The following PCARE variants were observed in gnomAD, a reference collection of about 807,000 sequenced individuals.
PCARE encodes the protein uncharacterized protein C2orf71.
In PCARE, 72 loss-of-function variants were observed where a neutral mutation model predicts 82.2. That is an observed-to-expected ratio of 0.88 (90% CI 0.72 to 1.07). The LOEUF (loss-of-function observed/expected upper bound fraction) is 1.07. Ranked by LOEUF, PCARE falls within the 50% of genes least tolerant of loss-of-function variation. The pLI, the probability that PCARE is intolerant of heterozygous loss-of-function variation, is 0.00. For synonymous variants in PCARE, 705 were observed against 634.8 expected (o/e 1.11, Z -1.66); for missense variants, 1,768 against 1,592.4 (o/e 1.11, Z -1.88).
intron 1 of PCARE, 132 bp from the exon 2 acceptor site, chr2:29,065,199 C>T: frequency 1.8e-6 from 2 of 1,091,140 alleles, no homozygotes; most frequent in East Asian, 2.6e-5. Flanking sequence ...CCCTGGGTGC[C>T]AGGCCTCTGC....
rs948652951 is a variant in PCARE at position 29,063,020 on chromosome 2, C to T, written c.*1849G>A. ...CTCAAAGGCCGCTCACACTGTGTGT[C>T]TCCTGCTCACTCAGCTCAGTGCCCA... On this transcript the variant is annotated 3_prime_UTR_variant, in exon 2 of 2. Coordinates refer to ENST00000331664, the MANE Select transcript of PCARE (RefSeq NM_001029883.3). 6.6e-6 allele frequency: 1 copy of T among 152,310 alleles called. No homozygotes were observed. Among genetic ancestry groups the T allele is most frequent in the Non-Finnish European group, 1.5e-5 (1 of 68,074 alleles). 9.4% of individuals were successfully genotyped at this position (152,310 alleles called of 1,614,324 possible). A position where few individuals can be genotyped will look rare whatever the true frequency, so the allele number is the denominator to read the frequency against.
rs1389832883 is a variant in PCARE at position 29,073,256 on chromosome 2, C to T, written c.1006G>A (p.Gly336Ser). The change falls in exon 1 of 2, where the codon GGC becomes AGC. Residue 336 changes from glycine to serine, a missense_variant. By Grantham distance (56) the Gly-to-Ser change is moderately conservative (BLOSUM62 0). Transcript: ENST00000331664. ...RQLESLASGCGDPGVQGLPLC... is the reference protein window; with the variant it reads ...RQLESLASGCSDPGVQGLPLC... ...GGGAGACCCTGCACCCCAGGGTCGC[C>T]ACAGCCACTCGCCAGGCTCTCTAGC... 1 of 1,614,014 alleles carries T rather than the reference C, an allele frequency of 6.2e-7. No homozygotes were observed. Among genetic ancestry groups the T allele is most frequent in the Admixed American group, 1.7e-5 (1 of 60,020 alleles).
chr2:29,072,098 C>A lies in PCARE; in HGVS notation c.2164G>T (p.Val722Phe). 1 of 1,614,258 alleles carries A rather than the reference C, an allele frequency of 6.2e-7. No homozygotes were observed. Among genetic ancestry groups the A allele is most frequent in the Non-Finnish European group, 8.5e-7 (1 of 1,180,054 alleles). ...SEAAKATDWN[V>F]RGCPTRTSVK... ...GATGTTCTGGTGGGACAGCCTCTGACATTCCAGTCTGTGGCCTTGGCAGCC... is the reference window on the plus strand; with the variant it reads ...GATGTTCTGGTGGGACAGCCTCTGAAATTCCAGTCTGTGGCCTTGGCAGCC... The change falls in exon 1 of 2, where the codon GTC becomes TTC. Residue 722 changes from valine to phenylalanine, a missense_variant. Coordinates refer to ENST00000331664, the MANE Select transcript of PCARE (RefSeq NM_001029883.3).
intron 1 of PCARE, among the ~76,000 whole-genome samples, chr2:29,069,597 G>C (rs1462824139): frequency 6.6e-6 from 1 of 152,020 alleles, no homozygotes; most frequent in Non-Finnish European, 1.5e-5. Context: ...ATTAGTACCT[G>C]GGTGATGAAA....
intron 1 of PCARE, among the ~76,000 whole-genome samples, chr2:29,069,016 C>A (rs1355374697): frequency 6.6e-6 from 1 of 152,194 alleles, no homozygotes; most frequent in Non-Finnish European, 1.5e-5. Context: ...ACTAAGATGT[C>A]ACTTCTCTTT....
rs1572829341 is a variant in PCARE at position 29,073,327 on chromosome 2, C to T, written c.935G>A (p.Ser312Asn). 6.2e-7 allele frequency: 1 copy of T among 1,614,148 alleles called. No homozygotes were observed. Among genetic ancestry groups the T allele is most frequent in the East Asian group, 2.2e-5 (1 of 44,890 alleles). Residue 312 changes from serine (S) to asparagine (N), a missense_variant, in exon 1 of 2, where the codon AGC (serine) becomes AAC (asparagine). Transcript: ENST00000331664. ...GCGTTCATCCACATTCCTTTTTGTG[C>T]TCAGCTTATTTTCCAAGTGGGTTGC... ...STATHLENKL[S>N]TKRNVDERLL...
Position 29,071,406 on chromosome 2 carries a change from C to T in PCARE, c.2856G>A (p.Arg952=). 6.2e-7 allele frequency: 1 copy of T among 1,613,716 alleles called. No homozygotes were observed. The highest frequency in any genetic ancestry group is 8.5e-7 in the Non-Finnish European group (1 of 1,179,964). The part of the protein sequence containing the change: ...SQAEKATSLY[R]QPRKAIAWHH... ...GCCAGGCGATGGCCTTCCGGGGCTGCCTGTAGAGGCTGGTGGCCTTCTCTG... is the reference window on the plus strand; with the variant it reads ...GCCAGGCGATGGCCTTCCGGGGCTGTCTGTAGAGGCTGGTGGCCTTCTCTG... Residue 952 remains arginine (R), a synonymous_variant, in exon 1 of 2, where the codon AGG becomes AGA. Transcript: ENST00000331664.
rs183619250 is a variant in PCARE at position 29,065,290 on chromosome 2, G to T, written c.3669-223C>A. ...GGGCGCTGTGGGAGCTGGGGTGACT[G>T]GCTGAGTCCTGTTCTTTCCCCTGAA... On this transcript the variant is annotated intron_variant, in intron 1 of 1. Transcript: ENST00000331664. Among the ~76,000 whole-genome samples, 266 of 152,350 alleles carry T rather than the reference G, an allele frequency of 1.7e-3. 1 individual carries two copies. Among genetic ancestry groups the T allele is most frequent in the Non-Finnish European group, 2.5e-3 (173 of 68,042 alleles).
At position 29,074,256 on chromosome 2, in the gene PCARE, C is replaced by A. The variant is rs2148417220; in HGVS notation, c.6G>T (p.Gly2=). 1 of 1,528,698 alleles carries A rather than the reference C, an allele frequency of 6.5e-7. No homozygotes were observed. The allele number at this position is 1,528,698 out of a possible 1,614,324, so 94.7% of individuals were successfully genotyped here. A position where few individuals can be genotyped will look rare whatever the true frequency, so the allele number is the denominator to read the frequency against. The change falls in exon 1 of 2, where the codon GGG becomes GGT. Residue 2 remains glycine (G), a synonymous_variant. Coordinates refer to ENST00000331664, the MANE Select transcript of PCARE (RefSeq NM_001029883.3). ...CAAGGTCACTGTGTGAAGGTGTACA[C>A]CCCATGATTTCAGCTTGTAGTCATC... M[G]CTPSHSDLVN...
At position 29,074,499 on chromosome 2, in the gene PCARE, T is replaced by C. The variant is rs942838586; in HGVS notation, c.-238A>G. On this transcript the variant is annotated 5_prime_UTR_variant, in exon 1 of 2. Transcript: ENST00000331664. ...TTGTTCTAAGTTTGGAACCCTCTGC[T>C]GTTAGTGAGCAGCGGGACAATTCTG... 6.6e-6 allele frequency among the ~76,000 whole-genome samples: 1 copy of C among 152,208 alleles called. No individual in the cohort carries two copies. The highest frequency in any genetic ancestry group is 1.5e-5 in the Non-Finnish European group (1 of 68,032).
At position 29,073,511 on chromosome 2, in the gene PCARE, G is replaced by T; in HGVS notation, c.751C>A (p.Leu251Met). ...EVLLQEVRED[L>M]AWPLKKREPQ... ...TCTCTTTTCTTCAAAGGCCAAGCCA[G>T]ATCCTCCCTGACTTCCTGCAGGAGC... Residue 251 changes from leucine (L) to methionine (M), a missense_variant, in exon 1 of 2, where the codon CTG (leucine) becomes ATG (methionine). Leu to Met is a conservative substitution (Grantham distance 15, BLOSUM62 2). Coordinates refer to ENST00000331664, the MANE Select transcript of PCARE (RefSeq NM_001029883.3). 6.2e-7 allele frequency: 1 copy of T among 1,614,202 alleles called. No homozygotes were observed. The highest frequency in any genetic ancestry group is 8.5e-7 in the Non-Finnish European group (1 of 1,180,028).
rs769809028 is a variant in PCARE at position 29,071,901 on chromosome 2, T to C, written c.2361A>G (p.Ser787=). 2 of 1,614,232 alleles carry C rather than the reference T, an allele frequency of 1.2e-6. No individual in the cohort carries two copies. The highest frequency in any genetic ancestry group is 4.5e-5 in the East Asian group (2 of 44,886). ...LYPKPQISPA[S]GRESLKMGIG... ...TGCCCATTTTGAGAGATTCTCTGCCTGATGCTGGAGAAATTTGGGGCTTCG... is the reference window on the plus strand; with the variant it reads ...TGCCCATTTTGAGAGATTCTCTGCCCGATGCTGGAGAAATTTGGGGCTTCG... The change falls in exon 1 of 2, where the codon TCA becomes TCG. Residue 787 remains serine, a synonymous_variant. Transcript: ENST00000331664.
At position 29,072,773 on chromosome 2, in the gene PCARE, T is replaced by C; in HGVS notation, c.1489A>G (p.Met497Val). 1.2e-6 allele frequency: 2 copies of C among 1,613,992 alleles called. No individual in the cohort carries two copies. The highest frequency in any genetic ancestry group is 1.7e-6 in the Non-Finnish European group (2 of 1,179,982). ...SSPEEEEEDK[M>V]SSMSLCAWQE... ...CAGGCACACAGACTCATGCTGCTCA[T>C]TTTGTCTTCCTCCTCCTCCTCTGGG... Residue 497 changes from methionine (M) to valine (V), a missense_variant, in exon 1 of 2, where the codon ATG (methionine) becomes GTG (valine). Met to Val is a conservative substitution (Grantham distance 21). Transcript: ENST00000331664.
At position 29,074,324 on chromosome 2, in the gene PCARE, A is replaced by T. The variant is rs1667551112; in HGVS notation, c.-63T>A. On this transcript the variant is annotated 5_prime_UTR_variant, in exon 1 of 2. Coordinates refer to ENST00000331664, the MANE Select transcript of PCARE (RefSeq NM_001029883.3). Reference sequence around the variant, plus strand: ...ATTTTCCAAGAATCATATTTGAAATAGGAACAAAAGGCAATCTTACTAGTC... The same window carrying T: ...ATTTTCCAAGAATCATATTTGAAATTGGAACAAAAGGCAATCTTACTAGTC... The T allele has an allele frequency of 6.7e-7, 1 of 1,496,578 alleles. No individual in the cohort carries two copies. Among genetic ancestry groups the T allele is most frequent in the Middle Eastern group, 1.9e-4 (1 of 5,350 alleles). The allele number at this position is 1,496,578 out of a possible 1,614,324, so 92.7% of individuals were successfully genotyped here.
chr2:29,073,976 T>C lies in PCARE; in HGVS notation c.286A>G (p.Thr96Ala). Reference sequence around the variant, plus strand: ...TTCAGCTGGGATGAAGAGGTTTTGGTTCCTGGGATCAGTCCTTCCATATCT... The same window carrying C: ...TTCAGCTGGGATGAAGAGGTTTTGGCTCCTGGGATCAGTCCTTCCATATCT... ...RKDMEGLIPGTKTSSSQLNKS... is the reference protein window; with the variant it reads ...RKDMEGLIPGAKTSSSQLNKS... The change falls in exon 1 of 2, where the codon ACC becomes GCC. Residue 96 changes from threonine to alanine, a missense_variant. Thr to Ala is a moderately conservative substitution (Grantham distance 58, BLOSUM62 0). Coordinates refer to ENST00000331664, the MANE Select transcript of PCARE (RefSeq NM_001029883.3). 3.7e-6 allele frequency: 6 copies of C among 1,614,218 alleles called. No individual in the cohort carries two copies. The highest frequency in any genetic ancestry group is 5.1e-6 in the Non-Finnish European group (6 of 1,180,024).
rs1184132686 is a variant in PCARE, at chr2:29,073,767, G to A, written c.495C>T (p.His165=). 6.2e-7 allele frequency: 1 copy of A among 1,614,122 alleles called. No individual in the cohort carries two copies. The highest frequency in any genetic ancestry group is 1.3e-5 in the African/African-American group (1 of 74,936). The change falls in exon 1 of 2, where the codon CAC becomes CAT. Residue 165 remains histidine, a synonymous_variant. Transcript: ENST00000331664. The part of the protein sequence containing the change: ...STQSHCYQTI[H]PAHEPEGKVD... ...CTTTGCCTTCAGGCTCATGAGCAGG[G>A]TGGATGGTTTGGTAGCAGTGGCTCT...
rs375649076 is a variant in PCARE, at chr2:29,072,137, C to T, written c.2125G>A (p.Gly709Arg). Residue 709 changes from glycine (G) to arginine (R), a missense_variant, in exon 1 of 2, where the codon GGA becomes AGA. Physicochemically the swap from Gly to Arg is moderately radical, Grantham distance 125. Coordinates refer to ENST00000331664, the MANE Select transcript of PCARE (RefSeq NM_001029883.3). ...GCCTTGGCAGCCTCACTGACCTCTC[C>T]TGATGGGATGGCATTTGGAAGCTTC... is the stretch of plus-strand genomic sequence containing the variant. Reference protein sequence around the residue: ...AGKLPNAIPSGEVSEAAKATD... With the variant: ...AGKLPNAIPSREVSEAAKATD... The T allele has an allele frequency of 2.2e-5, 35 of 1,614,150 alleles. No homozygotes were observed. The African/African-American group carries it at 4.5e-4, about 21-fold the overall frequency.
chr2:29,071,343 T>C lies in PCARE; in HGVS notation c.2919A>G (p.Ser973=), dbSNP rs1667477794. 7 of 1,613,674 alleles carry C rather than the reference T, an allele frequency of 4.3e-6. No homozygotes were observed. The highest frequency in any genetic ancestry group is 5.9e-6 in the Non-Finnish European group (7 of 1,179,910). ...SGPPSGQNRT[S]ESSLARPRQS... ...GCCTTGGTCTGGCCAGGCTGGACTC[T>C]GAGGTCCTGTTTTGTCCAGATGGAG... The change falls in exon 1 of 2, where the codon TCA becomes TCG. Residue 973 remains serine (S), a synonymous_variant. Coordinates refer to ENST00000331664, the MANE Select transcript of PCARE (RefSeq NM_001029883.3).
chr2:29,070,347 T>A (rs1667450066), intron 1 of PCARE, among the ~76,000 whole-genome samples: 1 of 152,124 alleles, frequency 6.6e-6, no homozygotes, highest in Non-Finnish European at 1.5e-5. Flanking sequence ...TTTTTTTTAA[T>A]ACAGCAGGGC....
Sources: gnomAD v4.1 joint callset for allele counts (sites outside exome capture counted in the v4.1 genomes callset) on GRCh38, gnomAD v4.1.1 for gene constraint, MANE v1.5 for transcripts, NCBI Gene and HGNC (gene_info 2026-07-23, HGNC 2026-07-21) for gene names.